Variants in ATP8A1 observed in about 807,000 individuals in gnomAD.
ATP8A1 encodes ATPase phospholipid transporting 8A1.
In ATP8A1, 90 loss-of-function variants were observed where a neutral mutation model predicts 177.7. That is an observed-to-expected ratio of 0.51 (90% CI 0.43 to 0.60). ATP8A1 has a LOEUF of 0.60. ATP8A1 is among the 20% of genes least tolerant of loss of function. The pLI is 0.00. For missense variants in ATP8A1, 1,072 were observed against 1,392.8 expected (o/e 0.77, Z 3.67); for synonymous variants, 493 against 485.9 (o/e 1.01, Z -0.19).
At chr4:42,595,166 T>G (rs1734601664) in intron 6 of ATP8A1, among the ~76,000 whole-genome samples, 1 of 152,118 alleles carries the variant, frequency 6.6e-6, no homozygotes, top group East Asian at 1.9e-4. Context: ...CAAATGAGAC[T>G]AAACATGAAT....
At chr4:42,418,317 C>A (rs535318996) in intron 35 of ATP8A1, among the ~76,000 whole-genome samples, 204 of 151,836 alleles carry the variant, frequency 1.3e-3, no homozygotes, top group African/African-American at 4.3e-3. Context: ...TGGCTAATAT[C>A]TACAGTGAGA....
chr4:42,458,877 A>G (rs187977843), intron 27 of ATP8A1, among the ~76,000 whole-genome samples: 20 of 152,342 alleles, frequency 1.3e-4, no homozygotes, highest in Admixed American at 3.3e-4. Flanking sequence ...CAAACAGTCA[A>G]TGAGTCCTCT....
At chr4:42,446,691 C>A in intron 30 of ATP8A1, 47 bp from the exon 31 acceptor site, 2 of 1,524,682 alleles carry the variant, frequency 1.3e-6, no homozygotes, top group Non-Finnish European at 1.8e-6. Flanking sequence ...GAGATTCTTT[C>A]AGAATCTTTT....
intron 33 of ATP8A1, among the ~76,000 whole-genome samples, chr4:42,434,700 A>C (rs1201869871): frequency 2.0e-5 from 3 of 152,172 alleles, no homozygotes; most frequent in African/African-American, 7.2e-5. Context: ...GCTTTTGGTC[A>C]ATGAGATCTA....
chr4:42,564,527 G>A (rs905849829), intron 15 of ATP8A1, among the ~76,000 whole-genome samples: 2 of 152,228 alleles, frequency 1.3e-5, no homozygotes, highest in Non-Finnish European at 2.9e-5. Flanking sequence ...GGACCTTTAA[G>A]ATTTGACTGC....
chr4:42,476,184 G>A (rs375513730), intron 25 of ATP8A1, among the ~76,000 whole-genome samples: 1 of 152,186 alleles, frequency 6.6e-6, no homozygotes. Flanking sequence ...AGAGTGGATT[G>A]TTTAGTAAAT....
At chr4:42,548,109 G>C (rs555857284) in intron 19 of ATP8A1, among the ~76,000 whole-genome samples, 1 of 152,074 alleles carries the variant, frequency 6.6e-6, no homozygotes, top group East Asian at 1.9e-4. Flanking sequence ...TCTATTATTC[G>C]ACCTTAAGAA....
intron 1 of ATP8A1, among the ~76,000 whole-genome samples, chr4:42,656,284 T>C (rs1480076309): frequency 6.6e-6 from 1 of 152,086 alleles, no homozygotes; most frequent in African/African-American, 2.4e-5. Flanking sequence ...CGCGAGCCGG[T>C]GGGACTCCGC....
At chr4:42,533,414 A>G (rs1007028175) in intron 20 of ATP8A1, among the ~76,000 whole-genome samples, 1 of 152,066 alleles carries the variant, frequency 6.6e-6, no homozygotes, top group African/African-American at 2.4e-5. Flanking sequence ...TGTGTGATGC[A>G]GCAGAGGCAG....
At position 42,485,546 on chromosome 4, in the gene ATP8A1, T is replaced by C; in HGVS notation, c.2274A>G (p.Arg758=). ...ACAAAGCTAAGTCCAGGAAATACTG[T>C]CGTACTCCAAAGGTTAAGGCATATT... ...TLKYALTFGV[R]QYFLDLALSC... The change falls in exon 25 of 37, where the codon CGA becomes CGG. Residue 758 remains arginine (R), a synonymous_variant. Coordinates refer to ENST00000381668, the MANE Select transcript of ATP8A1 (RefSeq NM_006095.2). 1 of 1,613,766 alleles carries C rather than the reference T, an allele frequency of 6.2e-7. No individual in the cohort carries two copies. Among genetic ancestry groups the C allele is most frequent in the Non-Finnish European group, 8.5e-7 (1 of 1,179,812 alleles).
intron 15 of ATP8A1, among the ~76,000 whole-genome samples, chr4:42,559,865 T>A (rs769784417): frequency 6.6e-6 from 1 of 152,116 alleles, no homozygotes; most frequent in African/African-American, 2.4e-5. Flanking sequence ...GTCATCACTC[T>A]TGGCTAATTT....
intron 1 of ATP8A1, among the ~76,000 whole-genome samples, chr4:42,646,621 C>A (rs977078581): frequency 5.3e-5 from 8 of 152,170 alleles, no homozygotes; most frequent in South Asian, 2.1e-4. Flanking sequence ...CTCACAAAGG[C>A]CAATCTTGTA....
rs763192062 is a variant in ATP8A1 at position 42,600,438 on chromosome 4, G to A, written c.450+40C>T. ...TATATATACTAGAGTACACCGCTAT[G>A]TATTTCTTCTCCTGGAACAAAATAA... On this transcript the variant is annotated intron_variant, in intron 6 of 36. Transcript: ENST00000381668. 3.8e-6 allele frequency: 6 copies of A among 1,566,470 alleles called. No individual in the cohort carries two copies. In the African/African-American group the frequency reaches 8.2e-5, roughly 21 times the overall value.
chr4:42,505,712 C>T (rs1237032972), intron 23 of ATP8A1, among the ~76,000 whole-genome samples: 1 of 152,062 alleles, frequency 6.6e-6, no homozygotes, highest in Non-Finnish European at 1.5e-5. Context: ...GCTAATACTT[C>T]TAAAATAAAT....
chr4:42,518,399 A>G (rs1287650171), intron 22 of ATP8A1, among the ~76,000 whole-genome samples: 4 of 152,192 alleles, frequency 2.6e-5, no homozygotes, highest in Non-Finnish European at 5.9e-5. Context: ...AAAAGTCCAC[A>G]TACAAATGTA....
rs920001708 is a variant in ATP8A1, at chr4:42,485,509, C to T, written c.2311G>A (p.Val771Ile). 6.2e-7 allele frequency: 1 copy of T among 1,610,310 alleles called. No homozygotes were observed. Among genetic ancestry groups the T allele is most frequent in the Non-Finnish European group, 8.5e-7 (1 of 1,178,532 alleles). The change falls in exon 25 of 37, where the codon GTC becomes ATC. Residue 771 changes from valine to isoleucine, a missense_variant. Around this residue, in one of 5 missense-constraint regions of ATP8A1, gnomAD observed 388 missense variants for 471.7 expected, o/e 0.82. Transcript: ENST00000381668. ...AGGAGAACTTACCGACAGCAAATGA[C>T]AGCTTTGCATGACAAAGCTAAGTCC... ...FLDLALSCKA[V>I]ICCRVSPLQK... is the part of the protein sequence containing the mutation.
At chr4:42,592,319 A>G (rs1253066995) in intron 6 of ATP8A1, among the ~76,000 whole-genome samples, 3 of 152,164 alleles carry the variant, frequency 2.0e-5, no homozygotes, top group Admixed American at 1.3e-4. Context: ...TTATAAAACA[A>G]ATTCTGTAAA....
chr4:42,415,202 TTAAC>T (rs1332992059), intron 35 of ATP8A1: 2 of 152,780 alleles, frequency 1.3e-5, no homozygotes, highest in Admixed American at 6.5e-5. Flanking sequence ...AAAGTAAATA[TTAAC>T]TAACATTACA....
chr4:42,619,735 A>T (rs1448361812), intron 4 of ATP8A1, among the ~76,000 whole-genome samples: 4 of 152,184 alleles, frequency 2.6e-5, no homozygotes, highest in Non-Finnish European at 5.9e-5. Flanking sequence ...CTGATGTATT[A>T]GTGGCAGCCA....
Sources: allele counts gnomAD v4.1 joint callset (sites outside exome capture counted in the v4.1 genomes callset), GRCh38; gene constraint gnomAD v4.1.1; regional missense constraint gnomAD v4.1.1; transcripts MANE v1.5; gene names NCBI Gene and HGNC (gene_info 2026-07-23, HGNC 2026-07-21).